Variants in GRXCR1 observed in about 807,000 individuals in gnomAD.
The protein encoded by GRXCR1 is glutaredoxin domain-containing cysteine-rich protein 1.
A neutral mutation model predicts 27.3 loss-of-function variants in GRXCR1; 27 were observed. That is an observed-to-expected ratio of 0.99 (90% CI 0.73 to 1.37). GRXCR1 has a LOEUF of 1.37. Among genes scored for constraint, GRXCR1 ranks in the 40% most tolerant of loss-of-function variants. GRXCR1 has a pLI of 0.00. For missense variants in GRXCR1, 379 were observed against 354.4 expected, an observed-to-expected ratio of 1.07 and a Z score of -0.56; for synonymous variants, 122 against 131.1, an observed-to-expected ratio of 0.93 and a Z score of 0.47.
chr4:42,988,601 A>ATAAACACTATAATTCATACT (rs1711856095), intron 2 of GRXCR1, among the ~76,000 whole-genome samples: 1 of 152,246 alleles, frequency 6.6e-6, no homozygotes. Flanking sequence ...CCTTTGTAGA[A>ATAAACACTATAATTCATACT]GAAACCTTGG....
chr4:42,983,669 T>A (rs1264461390), intron 2 of GRXCR1, among the ~76,000 whole-genome samples: 2 of 152,186 alleles, frequency 1.3e-5, no homozygotes, highest in African/African-American at 4.8e-5. Context: ...TTCACGATAT[T>A]GATTCTTCTC....
intron 2 of GRXCR1, among the ~76,000 whole-genome samples, chr4:42,985,949 T>A (rs188569625): frequency 6.6e-6 from 1 of 152,312 alleles, no homozygotes; most frequent in Admixed American, 6.5e-5. Context: ...CAGGATTTAT[T>A]TTCCATAAAC....
At chr4:42,981,732 C>A (rs1595189) in intron 2 of GRXCR1, among the ~76,000 whole-genome samples, 3,996 of 152,166 alleles carry the variant, frequency 0.026, 172 homozygotes, top group African/African-American at 0.091. Flanking sequence ...TTTTTCTCTT[C>A]AGTACTTTTA....
At chr4:42,947,327 G>A (rs889965452) in intron 1 of GRXCR1, among the ~76,000 whole-genome samples, 4 of 152,090 alleles carry the variant, frequency 2.6e-5, no homozygotes, top group African/African-American at 9.7e-5. Context: ...TTAGGGACGA[G>A]GGATGTTGTA....
intron 1 of GRXCR1, among the ~76,000 whole-genome samples, chr4:42,932,577 CATATATATATATATATATAT>C (rs3072802): frequency 5.2e-4 from 15 of 28,678 alleles, no homozygotes; most frequent in South Asian, 3.1e-3. Flanking sequence ...AACTCCCTTC[CATATATATATATATATATAT>C]ATATATATAT....
At chr4:43,001,191 T>TC (rs1322925257) in intron 2 of GRXCR1, among the ~76,000 whole-genome samples, 1 of 151,900 alleles carries the variant, frequency 6.6e-6, no homozygotes, top group Admixed American at 6.6e-5. Context: ...TGTCCATTTT[T>TC]CCCCCCGGTG....
intron 1 of GRXCR1, among the ~76,000 whole-genome samples, chr4:42,913,192 A>G (rs1357763989): frequency 1.3e-5 from 2 of 152,224 alleles, no homozygotes; most frequent in Admixed American, 1.3e-4. Flanking sequence ...TGCTGTAAAG[A>G]TACCAAAAAA....
chr4:42,925,248 A>T (rs903613223), intron 1 of GRXCR1, among the ~76,000 whole-genome samples: 1 of 151,958 alleles, frequency 6.6e-6, no homozygotes, highest in African/African-American at 2.4e-5. Flanking sequence ...AGGAAATTTA[A>T]TGGAGAGGAG....
chr4:42,991,500 C>T lies in GRXCR1; in HGVS notation c.627+28366C>T, dbSNP rs1308136922. On this transcript the variant is annotated intron_variant, in intron 2 of 3. Coordinates refer to ENST00000399770, the MANE Select transcript of GRXCR1 (RefSeq NM_001080476.3). ...TATATATATATATATATCTGTCATT[C>T]ATTAAAAGTACTGTGCTTTCTTTGC... Among the ~76,000 whole-genome samples the T allele has an allele frequency of 2.0e-5, 3 of 151,338 alleles. No individual in the cohort carries two copies. In the East Asian group the frequency reaches 5.8e-4, roughly 29 times the overall value.
intron 2 of GRXCR1, among the ~76,000 whole-genome samples, chr4:42,988,258 T>C (rs1711844094): frequency 6.6e-6 from 1 of 152,222 alleles, no homozygotes. Context: ...CAGATTTTTA[T>C]AATGCAAAAT....
chr4:42,938,416 T>C (rs1009959442), intron 1 of GRXCR1, among the ~76,000 whole-genome samples: 1 of 152,018 alleles, frequency 6.6e-6, no homozygotes, highest in Non-Finnish European at 1.5e-5. Flanking sequence ...CTCTTTGATA[T>C]ACAGATTTGC....
At chr4:42,900,412 G>T (rs1327810702) in intron 1 of GRXCR1, among the ~76,000 whole-genome samples, 1 of 152,102 alleles carries the variant, frequency 6.6e-6, no homozygotes, top group Non-Finnish European at 1.5e-5. Flanking sequence ...TGAAGTAATA[G>T]ACTCTTTTAC....
At chr4:42,987,018 G>GTGTGTT (rs1711748749) in intron 2 of GRXCR1, among the ~76,000 whole-genome samples, 1 of 150,602 alleles carries the variant, frequency 6.6e-6, no homozygotes, top group African/African-American at 2.5e-5. Context: ...GTGTGTGTGT[G>GTGTGTT]TGTGTGTGTG....
intron 2 of GRXCR1, among the ~76,000 whole-genome samples, chr4:42,985,075 A>G (rs767153593): frequency 1.3e-5 from 2 of 152,188 alleles, no homozygotes; most frequent in Non-Finnish European, 2.9e-5. Flanking sequence ...AGGAGGGGTG[A>G]CATGGATAAT....
intron 2 of GRXCR1, among the ~76,000 whole-genome samples, chr4:42,987,485 T>G (rs367919914): frequency 1.5e-4 from 22 of 151,638 alleles, no homozygotes; most frequent in African/African-American, 5.3e-4. Context: ...GTCTCACTAT[T>G]TTGCCCAGGC....
At position 42,963,801 on chromosome 4, in the gene GRXCR1, A is replaced by G. The variant is rs544767734; in HGVS notation, c.627+667A>G. Among the ~76,000 whole-genome samples, 10 of 152,096 alleles carry G rather than the reference A, an allele frequency of 6.6e-5. No homozygotes were observed. In the South Asian group the frequency reaches 1.9e-3, roughly 28 times the overall value. ...CCACAGACAGGGCTCCAGAGAGTAC[A>G]CTTTGGAAAAGGTGAGAGCAAAGAG... On this transcript the variant is annotated intron_variant, in intron 2 of 3. Transcript: ENST00000399770.
intron 1 of GRXCR1, among the ~76,000 whole-genome samples, chr4:42,910,678 T>C (rs1348513056): frequency 6.6e-6 from 1 of 152,142 alleles, no homozygotes; most frequent in Non-Finnish European, 1.5e-5. Flanking sequence ...GAACAAAAGA[T>C]GCAGCTGACC....
intron 1 of GRXCR1, among the ~76,000 whole-genome samples, chr4:42,957,286 A>G (rs760938853): frequency 3.9e-5 from 6 of 152,012 alleles, no homozygotes; most frequent in Non-Finnish European, 2.9e-5. Context: ...GTAATTCTAT[A>G]TTTATGTGAT....
rs147171072 is a variant in GRXCR1 at position 43,011,970 on chromosome 4, A to G, written c.628-8384A>G. ...TGGATCCCATCTGGAATGAGAGCCC[A>G]TTCAAGTTGGAACTCCCTCCTGCGA... On this transcript the variant is annotated intron_variant, in intron 2 of 3. Transcript: ENST00000399770. Among the ~76,000 whole-genome samples, 828 of 152,344 alleles carry G rather than the reference A, an allele frequency of 5.4e-3. 11 individuals are homozygous for G. The highest frequency in any genetic ancestry group is 0.019 in the African/African-American group (798 of 41,582).
Sources: allele counts gnomAD v4.1 joint callset (sites outside exome capture counted in the v4.1 genomes callset), GRCh38; gene constraint gnomAD v4.1.1; transcripts MANE v1.5; gene names NCBI Gene and HGNC (gene_info 2026-07-23, HGNC 2026-07-21).